SYN3: variants seen among roughly 807,000 people sequenced by gnomAD.
The protein encoded by SYN3 is synapsin III.
A neutral mutation model predicts 65.8 loss-of-function variants in SYN3; 35 were observed. That is an observed-to-expected ratio of 0.53 (90% CI 0.41 to 0.70). The LOEUF (loss-of-function observed/expected upper bound fraction) is 0.70, where lower values mean the gene tolerates loss of function less well. Among genes scored for constraint, SYN3 ranks in the 30% least tolerant of loss-of-function variants. The pLI is 0.00. For missense variants in SYN3, 680 were observed against 749.0 expected, an observed-to-expected ratio of 0.91 and a Z score of 1.08; for synonymous variants, 270 against 292.9, an observed-to-expected ratio of 0.92 and a Z score of 0.80.
intron 6 of SYN3, among the ~76,000 whole-genome samples, chr22:32,807,394 A>ATAT (rs1569239923): frequency 2.0e-5 from 2 of 100,620 alleles, no homozygotes; most frequent in African/African-American, 7.8e-5. Context: ...TATTATATAT[A>ATAT]ATATATATAT....
intron 6 of SYN3, among the ~76,000 whole-genome samples, chr22:32,791,596 C>T (rs942189629): frequency 1.3e-5 from 2 of 151,312 alleles, no homozygotes; most frequent in South Asian, 2.1e-4. Context: ...TCCAAACGCT[C>T]GCCTTCTGCT....
chr22:32,783,068 C>T (rs1307984276), intron 6 of SYN3: 4 of 152,216 alleles, frequency 2.6e-5, no homozygotes. Context: ...GGTACTTAAT[C>T]TTAGTCCACA....
intron 6 of SYN3, among the ~76,000 whole-genome samples, chr22:32,771,821 T>A (rs1440516696): frequency 6.6e-6 from 1 of 152,216 alleles, no homozygotes; most frequent in Non-Finnish European, 1.5e-5. Context: ...TTCATGACAT[T>A]TGTGCTACAG....
intron 7 of SYN3, among the ~76,000 whole-genome samples, chr22:32,571,540 A>T (rs888604160): frequency 2.0e-5 from 3 of 152,192 alleles, no homozygotes; most frequent in African/African-American, 7.2e-5. Context: ...TAGTGGATAA[A>T]TATGTAACAA....
intron 6 of SYN3, among the ~76,000 whole-genome samples, chr22:32,703,671 C>T (rs1461584503): frequency 6.6e-6 from 1 of 151,204 alleles, no homozygotes; most frequent in Non-Finnish European, 1.5e-5. Context: ...GAGAGTTTTG[C>T]CTATGTTCTA....
chr22:32,642,182 G>A (rs201960761), intron 6 of SYN3, among the ~76,000 whole-genome samples: 3 of 151,714 alleles, frequency 2.0e-5, no homozygotes, highest in South Asian at 4.2e-4. Context: ...CCAGCTCCTC[G>A]GGAGGCTGAG....
intron 12 of SYN3, among the ~76,000 whole-genome samples, chr22:32,523,316 T>C (rs62232673): frequency 0.078 from 11,923 of 152,132 alleles, 614 homozygotes; most frequent in Non-Finnish European, 0.12. Flanking sequence ...ATCGAGACCA[T>C]CATGGCCAAC....
intron 1 of SYN3, among the ~76,000 whole-genome samples, chr22:33,034,796 A>C (rs2053822658): frequency 6.6e-6 from 1 of 152,196 alleles, no homozygotes; most frequent in Admixed American, 6.5e-5. Context: ...GCACCAGGGA[A>C]GAGGCAAATC....
intron 7 of SYN3, among the ~76,000 whole-genome samples, chr22:32,568,639 GAC>G (rs1206309344): frequency 1.3e-5 from 2 of 152,156 alleles, no homozygotes; most frequent in Non-Finnish European, 2.9e-5. Context: ...ATTTTAGAAA[GAC>G]ACTAATCCCA....
chr22:32,946,135 G>C (rs1482003730), intron 3 of SYN3, among the ~76,000 whole-genome samples: 1 of 152,218 alleles, frequency 6.6e-6, no homozygotes, highest in African/African-American at 2.4e-5. Context: ...ACAGTGTGGC[G>C]ATTCCTCAAG....
intron 7 of SYN3, among the ~76,000 whole-genome samples, chr22:32,578,001 T>C (rs1371008197): frequency 6.6e-6 from 1 of 152,244 alleles, no homozygotes; most frequent in Non-Finnish European, 1.5e-5. Context: ...CTCCATAGCA[T>C]GTAAGCTGCA....
At chr22:32,709,810 C>T (rs976359267) in intron 6 of SYN3, among the ~76,000 whole-genome samples, 1 of 151,938 alleles carries the variant, frequency 6.6e-6, no homozygotes, top group Non-Finnish European at 1.5e-5. Flanking sequence ...AAGACTGTCT[C>T]ATGGAGAAGT....
intron 6 of SYN3, among the ~76,000 whole-genome samples, chr22:32,730,129 C>T (rs2061250437): frequency 6.6e-6 from 1 of 152,206 alleles, no homozygotes. Context: ...ATAGAAGTCA[C>T]CTAGTCTACC....
At chr22:32,875,564 A>C (rs1421685501) in intron 4 of SYN3, among the ~76,000 whole-genome samples, 2 of 152,192 alleles carry the variant, frequency 1.3e-5, no homozygotes, top group Non-Finnish European at 2.9e-5. Flanking sequence ...TTGCAAATAT[A>C]ATCAAGTTAA....
chr22:32,989,856 G>T (rs241723), intron 2 of SYN3, among the ~76,000 whole-genome samples: 51,278 of 141,724 alleles, frequency 0.36, 9,893 homozygotes, highest in South Asian at 0.43. Flanking sequence ...AAAAAAAAAG[G>T]CATCAAACAC....
intron 6 of SYN3, among the ~76,000 whole-genome samples, chr22:32,636,176 C>T (rs1036801611): frequency 3.3e-5 from 5 of 151,326 alleles, no homozygotes; most frequent in Non-Finnish European, 5.9e-5. Flanking sequence ...CCAAGGCAGG[C>T]GGATCACAAG....
At chr22:32,710,764 G>A (rs188014072) in intron 6 of SYN3, among the ~76,000 whole-genome samples, 130 of 152,066 alleles carry the variant, frequency 8.5e-4, no homozygotes, top group African/African-American at 2.9e-3. Flanking sequence ...AGTTTCCTGA[G>A]GCCTTCCGAG....
In SYN3 at chr22:32,786,234, A is replaced by G. The variant is rs143200872; in HGVS notation, c.711+78681T>C. On this transcript the variant is annotated intron_variant, in intron 6 of 13. Coordinates refer to ENST00000358763, the MANE Select transcript of SYN3 (RefSeq NM_003490.4). ...AGCAAAATCTTTTGCATAAGAGCAC[A>G]CAGTGAGGTACAGTTAGGGTTTGGA... Among the ~76,000 whole-genome samples, 1,012 of 152,294 alleles carry G rather than the reference A, an allele frequency of 6.6e-3. 10 individuals carry two copies. The highest frequency in any genetic ancestry group is 0.038 in the Admixed American group (575 of 15,292).
At chr22:32,775,324 A>G (rs551620771) in intron 6 of SYN3, among the ~76,000 whole-genome samples, 2 of 152,234 alleles carry the variant, frequency 1.3e-5, no homozygotes, top group East Asian at 3.9e-4. Flanking sequence ...ATCACTAAAT[A>G]CAGCTGCACT....
Sources: allele counts gnomAD v4.1 joint callset (sites outside exome capture counted in the v4.1 genomes callset), GRCh38; gene constraint gnomAD v4.1.1; transcripts MANE v1.5; gene names NCBI Gene and HGNC (gene_info 2026-07-23, HGNC 2026-07-21).